Variants in DNAH7 observed in about 807,000 individuals in gnomAD.
DNAH7 encodes the protein axonemal beta dynein heavy chain 7.
DNAH7 carries 397 observed loss-of-function variants against 444.6 expected under a neutral mutation model. The observed-to-expected ratio is 0.89, with a 90% CI of 0.82 to 0.97. DNAH7 has a LOEUF of 0.97. Ranked by LOEUF, DNAH7 falls within the 50% of genes least tolerant of loss-of-function variation. The pLI is 0.00. For missense variants in DNAH7, 4,902 were observed against 4,800.8 expected, an observed-to-expected ratio of 1.02 and a Z score of -0.62; for synonymous variants, 1,636 against 1,624.4, an observed-to-expected ratio of 1.01 and a Z score of -0.17.
chr2:195,828,954 C>T (rs187202752), intron 48 of DNAH7, among the ~76,000 whole-genome samples: 249 of 152,204 alleles, frequency 1.6e-3, no homozygotes, highest in Admixed American at 3.1e-3. Context: ...CTCTTTTCTT[C>T]TAGGTTAAGT....
At chr2:195,834,141 G>A in intron 48 of DNAH7, 65 bp downstream of exon 48, 5 of 1,501,536 alleles carry the variant, frequency 3.3e-6, no homozygotes. Flanking sequence ...AATCTATACA[G>A]TTTTGGGTTA....
intron 57 of DNAH7, among the ~76,000 whole-genome samples, chr2:195,792,111 G>A (rs531765619): frequency 6.5e-5 from 9 of 138,246 alleles, no homozygotes; most frequent in African/African-American, 1.3e-4. Flanking sequence ...AGGTTGCAGT[G>A]AGCTGTGATT....
chr2:195,768,539 T>G (rs1694693037), intron 61 of DNAH7, among the ~76,000 whole-genome samples: 1 of 151,972 alleles, frequency 6.6e-6, no homozygotes, highest in African/African-American at 2.4e-5. Flanking sequence ...TGCATACGTG[T>G]GCATGTATCT....
At chr2:195,748,535 C>G (rs1693573728) in intron 63 of DNAH7, among the ~76,000 whole-genome samples, 1 of 152,176 alleles carries the variant, frequency 6.6e-6, no homozygotes, top group African/African-American at 2.4e-5. Flanking sequence ...GAAGTCAATC[C>G]TAAGCCAAAA....
chr2:195,758,774 G>T (rs1214417759), intron 61 of DNAH7, among the ~76,000 whole-genome samples: 1 of 152,202 alleles, frequency 6.6e-6, no homozygotes, highest in East Asian at 1.9e-4. Context: ...GGAACTCAGT[G>T]CTTTCCTGTC....
chr2:195,895,434 A>C (rs1262200748), intron 29 of DNAH7, among the ~76,000 whole-genome samples: 1 of 152,072 alleles, frequency 6.6e-6, no homozygotes. Context: ...TTTTGCAAAC[A>C]GTTTTTGTTT....
At chr2:196,014,418 A>AACTCAGG (rs2125730325) in intron 9 of DNAH7, among the ~76,000 whole-genome samples, 2 of 152,170 alleles carry the variant, frequency 1.3e-5, no homozygotes, top group Non-Finnish European at 2.9e-5. Flanking sequence ...CAGACCATGA[A>AACTCAGG]ACTCAGGACT....
At chr2:195,952,652 C>T (rs1018175578) in intron 19 of DNAH7, among the ~76,000 whole-genome samples, 12 of 152,016 alleles carry the variant, frequency 7.9e-5, no homozygotes, top group Admixed American at 5.9e-4. Context: ...TCTCTCTCAT[C>T]TTGTCTTCAT....
intron 16 of DNAH7, among the ~76,000 whole-genome samples, chr2:195,971,173 T>C (rs922066668): frequency 3.9e-5 from 6 of 152,214 alleles, no homozygotes; most frequent in African/African-American, 1.4e-4. Context: ...ATATTTGCTA[T>C]AATGTAATAG....
At position 195,756,191 on chromosome 2, in the gene DNAH7, C is replaced by T. The variant is rs980365407; in HGVS notation, c.11528G>A (p.Ser3843Asn). ...CACATAGCTGCCAAGTGGTTTAAGG[C>T]TTGGGTAGGATTTACCCATCCACAT... The part of the protein sequence containing the change: ...PEMWMGKSYP[S>N]LKPLGSYVND... Residue 3843 changes from serine to asparagine, a missense_variant, in exon 62 of 65, where the codon AGC becomes AAC. Transcript: ENST00000312428. The T allele has an allele frequency of 5.0e-6, 8 of 1,613,490 alleles. No individual in the cohort carries two copies. The South Asian group carries it at 6.6e-5, about 13-fold the overall frequency.
At chr2:196,020,812 C>A (rs536627165) in intron 8 of DNAH7, among the ~76,000 whole-genome samples, 5 of 151,982 alleles carry the variant, frequency 3.3e-5, no homozygotes, top group Admixed American at 1.3e-4. Context: ...GGTTTCACCA[C>A]GTTGGCCAGA....
Position 195,808,802 on chromosome 2 carries a change from T to C in DNAH7, c.9963A>G (p.Thr3321=), listed in dbSNP as rs1696825784. Residue 3321 remains threonine, a synonymous_variant, in exon 53 of 65, where the codon ACA becomes ACG. Transcript: ENST00000312428. ...CATCCCAGGATTTCTGAGGAAGCCA[T>C]GTACAAAGGTTGGCATAAGGATTAT... ...GLDNPYANLC[T]WLPQKSWDEI... 6.2e-7 allele frequency: 1 copy of C among 1,614,004 alleles called. No individual in the cohort carries two copies. Among genetic ancestry groups the C allele is most frequent in the Non-Finnish European group, 8.5e-7 (1 of 1,179,942 alleles).
intron 24 of DNAH7, 79 bp downstream of exon 24, chr2:195,921,989 ATTAACAGTATGAGAGACAAT>A: frequency 1.4e-6 from 1 of 699,348 alleles, no homozygotes; most frequent in South Asian, 2.0e-5. Flanking sequence ...CACAGGCTAA[ATTAACAGTATGAGAGACAAT>A]TTGGTATTTT....
rs138689316 is a variant in DNAH7, at chr2:195,989,877, A to G, written c.1354-1648T>C. 1.1e-3 allele frequency among the ~76,000 whole-genome samples: 170 copies of G among 152,322 alleles called. 1 individual carries two copies. The highest frequency in any genetic ancestry group is 3.9e-3 in the African/African-American group (163 of 41,578). ...AGCTTCCTGAGGCCTCCCCAGAAGC[A>G]GATGCAAGCATTATGCTTACTGTAC... On this transcript the variant is annotated intron_variant, in intron 12 of 64. Coordinates refer to ENST00000312428, the MANE Select transcript of DNAH7 (RefSeq NM_018897.3).
chr2:195,791,238 C>T (rs539529757), intron 57 of DNAH7, among the ~76,000 whole-genome samples: 5 of 152,086 alleles, frequency 3.3e-5, no homozygotes, highest in Admixed American at 6.6e-5. Flanking sequence ...GAGGTGAAGG[C>T]GCGTGGATCA....
In DNAH7 at chr2:195,895,011, C is replaced by T; in HGVS notation, c.4861G>A (p.Val1621Ile). 1 of 1,611,816 alleles carries T rather than the reference C, an allele frequency of 6.2e-7. No individual in the cohort carries two copies. Among genetic ancestry groups the T allele is most frequent in the Non-Finnish European group, 8.5e-7 (1 of 1,178,610 alleles). The change falls in exon 30 of 65, where the codon GTC becomes ATC. Residue 1621 changes from valine to isoleucine, a missense_variant. Transcript: ENST00000312428. ...PFGGKTSAYRVLAGALNDICE... is the reference protein window; with the variant it reads ...PFGGKTSAYRILAGALNDICE... ...ATATCATTTAGTGCTCCAGCTAAGA[C>T]ACGATATGCACTAGTTTTTCCTCCA...
intron 1 of DNAH7, among the ~76,000 whole-genome samples, chr2:196,066,131 AC>A (rs1698416028): frequency 6.6e-6 from 1 of 152,222 alleles, no homozygotes; most frequent in South Asian, 2.1e-4. Context: ...ATTTTCACCT[AC>A]TTGACTGCTG....
chr2:195,961,613 A>G (rs1691112932), intron 17 of DNAH7, among the ~76,000 whole-genome samples: 1 of 152,082 alleles, frequency 6.6e-6, no homozygotes, highest in Non-Finnish European at 1.5e-5. Context: ...GCATTCCCCT[A>G]TTTCTTTTTT....
chr2:195,748,721 A>T (rs1050054259), intron 63 of DNAH7, among the ~76,000 whole-genome samples: 5 of 152,208 alleles, frequency 3.3e-5, no homozygotes, highest in African/African-American at 1.2e-4. Flanking sequence ...ACCTGAGAAA[A>T]ACAAGCAATG....
Sources: gnomAD v4.1 joint callset for allele counts (sites outside exome capture counted in the v4.1 genomes callset) on GRCh38, gnomAD v4.1.1 for gene constraint, MANE v1.5 for transcripts, NCBI Gene and HGNC (gene_info 2026-07-23, HGNC 2026-07-21) for gene names.